ZNF66: variants seen among roughly 807,000 people sequenced by gnomAD.
ZNF66 encodes putative zinc finger protein 66.
In ZNF66, 32 loss-of-function variants were observed where a neutral mutation model predicts 35.2. That is an observed-to-expected ratio of 0.91 (90% confidence interval 0.69 to 1.22). The LOEUF is 1.22. Among genes scored for constraint, ZNF66 ranks in the 50% most tolerant of loss-of-function variants. ZNF66 has a pLI of 0.00. For missense variants in ZNF66, 666 were observed against 543.1 expected (o/e 1.23, Z -2.25); for synonymous variants, 231 against 181.3 (o/e 1.27, Z -2.20).
intron 2 of ZNF66, 74 bp downstream of exon 2, chr19:20,792,712 A>C: frequency 1.1e-6 from 1 of 883,520 alleles, no homozygotes; most frequent in Non-Finnish European, 1.7e-6. Context: ...GAATGTTAGT[A>C]ATTTATTCTT....
At chr19:20,783,181 T>G (rs9636185) in intron 1 of ZNF66, among the ~76,000 whole-genome samples, 84,207 of 151,854 alleles carry the variant, frequency 0.55, 23,374 homozygotes, top group East Asian at 0.59. Flanking sequence ...ATTTCTGGGC[T>G]CTCTATTCTG....
intron 1 of ZNF66, 80 bp downstream of exon 1, chr19:20,776,530 A>G (rs536461380): frequency 2.8e-6 from 4 of 1,452,174 alleles, no homozygotes; most frequent in South Asian, 1.1e-5. Flanking sequence ...CAGCTCCACA[A>G]TCTGCACCCC....
At chr19:20,778,495 G>T (rs1971215753) in intron 1 of ZNF66, among the ~76,000 whole-genome samples, 1 of 152,114 alleles carries the variant, frequency 6.6e-6, no homozygotes, top group Non-Finnish European at 1.5e-5. Context: ...TAAAATGCAA[G>T]CATCTTAGCC....
At chr19:20,781,518 T>G (rs1457210059) in intron 1 of ZNF66, among the ~76,000 whole-genome samples, 3 of 152,048 alleles carry the variant, frequency 2.0e-5, no homozygotes, top group African/African-American at 7.2e-5. Context: ...TTTATCTTTT[T>G]TTTTTTTGGA....
At chr19:20,780,652 T>C (rs954045432) in intron 1 of ZNF66, among the ~76,000 whole-genome samples, 4 of 152,200 alleles carry the variant, frequency 2.6e-5, no homozygotes, top group Admixed American at 2.6e-4. Flanking sequence ...GAGAATTGTT[T>C]AATGTTCAGC....
At position 20,808,751 on chromosome 19, in the gene ZNF66, CAG is replaced by C. The variant is rs1203612642; in HGVS notation, c.*1432_*1433del. On this transcript the variant is annotated 3_prime_UTR_variant, in exon 4 of 4. Coordinates refer to ENST00000344519, the MANE Select transcript of ZNF66 (RefSeq NM_001355197.2). ...TAAAACCACAAAGATGGGGAAAAAA[CAG>C]AGCAGAAAAACTGGAAAGTCTAAAA... Among the ~76,000 whole-genome samples the C allele has an allele frequency of 3.3e-5, 5 of 151,918 alleles. No individual in the cohort carries two copies. Among genetic ancestry groups the C allele is most frequent in the East Asian group, 3.8e-4 (2 of 5,196 alleles).
At position 20,807,007 on chromosome 19, in the gene ZNF66, T is replaced by C. The variant is rs770702970; in HGVS notation, c.1407T>C (p.Thr469=). 2 of 937,414 alleles carry C rather than the reference T, an allele frequency of 2.1e-6. No individual in the cohort carries two copies. The highest frequency in any genetic ancestry group is 3.5e-6 in the Non-Finnish European group (2 of 567,678). 58.1% of individuals were successfully genotyped at this position (937,414 alleles called of 1,614,324 possible). A position where few individuals can be genotyped will look rare whatever the true frequency, so the allele number is the denominator to read the frequency against. ...CCTTTAACCGCTCCTCTAACCTTAC[T>C]AAACACAAGAAAATTCATACTGGAG... ...GKAFNRSSNL[T]KHKKIHTGEK... Residue 469 remains threonine, a synonymous_variant, in exon 4 of 4, where the codon ACT becomes ACC. Transcript: ENST00000344519.
Position 20,809,177 on chromosome 19 carries a change from ATG to A in ZNF66, c.*1858_*1859del, listed in dbSNP as rs1971561106. Among the ~76,000 whole-genome samples, 1 of 152,220 alleles carries A rather than the reference ATG, an allele frequency of 6.6e-6. No individual in the cohort carries two copies. The highest frequency in any genetic ancestry group is 2.4e-5 in the African/African-American group (1 of 41,460). ...CAAAGTCTCCAAGAAATATGGGACT[ATG>A]TGAAAAGACCAAATCTACCTCTGAT... is the stretch of plus-strand genomic sequence containing the variant. On this transcript the variant is annotated 3_prime_UTR_variant, in exon 4 of 4. Transcript: ENST00000344519.
chr19:20,789,592 A>G (rs1477903640), intron 1 of ZNF66, among the ~76,000 whole-genome samples: 1 of 152,170 alleles, frequency 6.6e-6, no homozygotes, highest in Non-Finnish European at 1.5e-5. Context: ...AAAGAGAATA[A>G]AATTTTGTCT....
At chr19:20,796,298 T>C (rs1220318423) in intron 3 of ZNF66, among the ~76,000 whole-genome samples, 1 of 152,146 alleles carries the variant, frequency 6.6e-6, no homozygotes, top group African/African-American at 2.4e-5. Flanking sequence ...ACTCTCCCTA[T>C]ACATTTTTAC....
chr19:20,809,747 C>T lies in ZNF66; in HGVS notation c.*2425C>T, dbSNP rs1203254404. On this transcript the variant is annotated 3_prime_UTR_variant, in exon 4 of 4. Transcript: ENST00000344519. ...AATCATGCCAAAATGTAAAGACCAT[C>T]GAGACTAGGAAGAAACTGCATGAAC... Among the ~76,000 whole-genome samples, 2 of 151,960 alleles carry T rather than the reference C, an allele frequency of 1.3e-5. No homozygotes were observed. Among genetic ancestry groups the T allele is most frequent in the Admixed American group, 6.6e-5 (1 of 15,238 alleles).
chr19:20,790,270 A>C (rs938364944), intron 1 of ZNF66, among the ~76,000 whole-genome samples: 1 of 152,226 alleles, frequency 6.6e-6, no homozygotes, highest in Non-Finnish European at 1.5e-5. Flanking sequence ...GGTTCTGTTT[A>C]TTGTTCTGGG....
Position 20,799,789 on chromosome 19 carries a change from A to ATTCTGT in ZNF66, c.226+5912_226+5913insTCTGTT, listed in dbSNP as rs879542299. ...TCTGAGCTCTCTATTCTGTTCTTTT[A>ATTCTGT]TCTGTTTGTCTTTGTGTATCACATT... On this transcript the variant is annotated intron_variant, in intron 3 of 3. Transcript: ENST00000344519. Among the ~76,000 whole-genome samples the ATTCTGT allele has an allele frequency of 7.6e-3, 1,162 of 152,166 alleles. 15 individuals carry two copies. The highest frequency in any genetic ancestry group is 0.027 in the African/African-American group (1,127 of 41,520).
At chr19:20,792,490 TG>T (rs750150280) in intron 1 of ZNF66, 21 bp from the exon 2 acceptor site, 1 of 1,472,548 alleles carries the variant, frequency 6.8e-7, no homozygotes, top group Non-Finnish European at 9.3e-7. Flanking sequence ...TTGGTGAAAA[TG>T]TGTGTGTGTA....
rs1255067354 is a variant in ZNF66 at position 20,793,783 on chromosome 19, G to T, written c.131G>T (p.Gly44Val). 6 of 978,056 alleles carry T rather than the reference G, an allele frequency of 6.1e-6. No homozygotes were observed. The highest frequency in any genetic ancestry group is 2.3e-5 in the South Asian group (1 of 44,310). The allele number at this position is 978,056 out of a possible 1,614,324, so 60.6% of individuals were successfully genotyped here. ...ATGTTATTTATTTTTGATAAAACAGGTATTGTTGTCTCAAAGCCAGACCTC... is the reference window on the plus strand; with the variant it reads ...ATGTTATTTATTTTTGATAAAACAGTTATTGTTGTCTCAAAGCCAGACCTC... The part of the protein sequence containing the change: ...LENYRNLVFL[G>V]IVVSKPDLIT... Residue 44 changes from glycine (G) to valine (V), a missense_variant and splice_region_variant, in exon 3 of 4, where the codon GGT (glycine) becomes GTT (valine). Coordinates refer to ENST00000344519, the MANE Select transcript of ZNF66 (RefSeq NM_001355197.2).
At chr19:20,796,185 A>G (rs1643765) in intron 3 of ZNF66, among the ~76,000 whole-genome samples, 14,136 of 151,370 alleles carry the variant, frequency 0.093, 670 homozygotes, top group Middle Eastern at 0.11. Context: ...CATAATGCCT[A>G]TTTCTCTCAT....
At chr19:20,784,843 T>A in intron 1 of ZNF66, 1 of 152,344 alleles carries the variant, frequency 6.6e-6, no homozygotes. Flanking sequence ...TAATCTGACC[T>A]TTTTCTTAAG....
At position 20,776,441 on chromosome 19, in the gene ZNF66, C is replaced by T. The variant is rs773980627; in HGVS notation, c.-7C>T. On this transcript the variant is annotated 5_prime_UTR_variant, in exon 1 of 4. Coordinates refer to ENST00000344519, the MANE Select transcript of ZNF66 (RefSeq NM_001355197.2). The stretch of plus-strand genomic sequence containing the variant: ...CTAAGACGCCAGGACCCCCTGGAAG[C>T]CTAGAAATGGTGAGAGTGCCGGTCC... 4 of 1,559,300 alleles carry T rather than the reference C, an allele frequency of 2.6e-6. No homozygotes were observed. The highest frequency in any genetic ancestry group is 2.2e-5 in the South Asian group (2 of 90,056).
chr19:20,805,124 T>TGAGAGA (rs796709892), intron 3 of ZNF66, among the ~76,000 whole-genome samples: 1 of 144,548 alleles, frequency 6.9e-6, no homozygotes, highest in East Asian at 2.0e-4. Context: ...TGTGTGTGTG[T>TGAGAGA]GTGAGAGAGA....
Sources: gnomAD v4.1 joint callset for allele counts (sites outside exome capture counted in the v4.1 genomes callset) on GRCh38, gnomAD v4.1.1 for gene constraint, MANE v1.5 for transcripts, NCBI Gene and HGNC (gene_info 2026-07-23, HGNC 2026-07-21) for gene names.